The following MAP4 variants were observed in gnomAD, a reference collection of about 807,000 sequenced individuals.
MAP4 encodes the protein microtubule associated protein 4, also known as microtubule-associated protein 4.
In MAP4, 76 loss-of-function variants were observed where a neutral mutation model predicts 170.2. The observed-to-expected ratio is 0.45, with a 90% CI of 0.37 to 0.54. MAP4 has a LOEUF of 0.54. MAP4 is among the 20% of genes least tolerant of loss of function. MAP4 has a pLI of 0.00. For missense variants in MAP4, 2,506 were observed against 2,748.0 expected (o/e 0.91, Z 1.97); for synonymous variants, 909 against 994.5 (o/e 0.91, Z 1.62).
chr3:47,978,743 T>TC (rs763961053), intron 2 of MAP4, among the ~76,000 whole-genome samples: 57 of 150,768 alleles, frequency 3.8e-4, no homozygotes, highest in Middle Eastern at 6.9e-3. Context: ...TTTTTTTTTT[T>TC]CCCTCTTTTT....
chr3:47,859,360 T>C (rs1292162510), intron 17 of MAP4, among the ~76,000 whole-genome samples: 1 of 152,202 alleles, frequency 6.6e-6, no homozygotes, highest in Non-Finnish European at 1.5e-5. Flanking sequence ...CCTTCTTTGG[T>C]GTCAGGAAAT....
At position 47,909,691 on chromosome 3, in the gene MAP4, G is replaced by A; in HGVS notation, c.4730C>T (p.Pro1577Leu). ...GCTCTGGTCTTCTACTGGCACTCCA[G>A]GAAGGAGGTGACCTTTTGCTAGCTC... is the stretch of plus-strand genomic sequence containing the variant. ...VTELAKGHLL[P>L]GVPVEDQSLP... Residue 1577 changes from proline to leucine, a missense_variant, in exon 9 of 21, where the codon CCT becomes CTT. Pro to Leu is a moderately conservative substitution (Grantham distance 98). Around this residue, in one of 3 missense-constraint regions of MAP4, gnomAD observed 2,008 missense variants for 2,206.0 expected, o/e 0.91. Transcript: ENST00000683076. The A allele has an allele frequency of 6.2e-7, 1 of 1,613,966 alleles. No homozygotes were observed. The highest frequency in any genetic ancestry group is 8.5e-7 in the Non-Finnish European group (1 of 1,179,894).
intron 3 of MAP4, among the ~76,000 whole-genome samples, chr3:47,952,644 AT>A (rs2100065141): frequency 6.6e-6 from 1 of 151,722 alleles, no homozygotes; most frequent in African/African-American, 2.4e-5. Flanking sequence ...AATGGAAAAA[AT>A]AAATAAATAA....
At chr3:47,997,313 ATATT>A (rs1198302407) in intron 2 of MAP4, among the ~76,000 whole-genome samples, 1 of 139,454 alleles carries the variant, frequency 7.2e-6, no homozygotes, top group Non-Finnish European at 1.5e-5. Context: ...TAAACACAAC[ATATT>A]TAAACTGCTA....
In MAP4 at chr3:47,872,087, G is replaced by C. The variant is rs770605545; in HGVS notation, c.5771C>G (p.Ala1924Gly). The change falls in exon 13 of 21, where the codon GCA (alanine) becomes GGA (glycine). Residue 1924 changes from alanine (A) to glycine (G), a missense_variant. By Grantham distance (60) the Ala-to-Gly change is moderately conservative. This residue lies in a region of MAP4 where 487 missense variants were observed against 511.6 expected (regional missense o/e 0.95). Transcript: ENST00000683076. ...KDVKPKPIAD[A>G]KAPEKRASPS... ...TGAGGCCCGCTTCTCAGGAGCCTTT[G>C]CATCTGCAATGGGCTGGAAATAGGA... 1.2e-6 allele frequency: 2 copies of C among 1,611,596 alleles called. No individual in the cohort carries two copies. The highest frequency in any genetic ancestry group is 1.3e-5 in the African/African-American group (1 of 75,026).
intron 3 of MAP4, among the ~76,000 whole-genome samples, chr3:47,966,955 C>T (rs779942258): frequency 1.3e-5 from 2 of 152,164 alleles, no homozygotes; most frequent in Admixed American, 6.5e-5. Context: ...TTTGTCTATT[C>T]AGGAGGGCTC....
chr3:47,970,324 A>G lies in MAP4; in HGVS notation c.292+7541T>C, dbSNP rs201551162. 4.0e-5 allele frequency among the ~76,000 whole-genome samples: 6 copies of G among 151,682 alleles called. No homozygotes were observed. In the East Asian group the frequency reaches 1.2e-3, roughly 29 times the overall value. On this transcript the variant is annotated intron_variant, in intron 3 of 20. Transcript: ENST00000683076. Reference sequence around the variant, plus strand: ...AACATGGAGAAACCCCGTCTCTACTAAAAATACAAAATTAGCCAGGTATGG... The same window carrying G: ...AACATGGAGAAACCCCGTCTCTACTGAAAATACAAAATTAGCCAGGTATGG...
chr3:48,006,302 G>A (rs553341117), intron 1 of MAP4, among the ~76,000 whole-genome samples: 1 of 152,288 alleles, frequency 6.6e-6, no homozygotes, highest in Non-Finnish European at 1.5e-5. Context: ...TCCCCAAGGA[G>A]ACCTCCATCC....
chr3:48,066,871 C>T (rs1446186880), intron 1 of MAP4, among the ~76,000 whole-genome samples: 4 of 114,486 alleles, frequency 3.5e-5, no homozygotes, highest in East Asian at 2.8e-4. Flanking sequence ...GACGGAGTCT[C>T]GCTCTGTCGC....
chr3:47,917,249 G>A (rs1035531072), intron 6 of MAP4, 75 bp from the exon 7 acceptor site: 20 of 1,253,298 alleles, frequency 1.6e-5, no homozygotes, highest in Non-Finnish European at 2.1e-5. Flanking sequence ...CTTCAGGCAT[G>A]AGAGTATTTG....
chr3:48,083,613 C>T (rs1254357654), intron 1 of MAP4, among the ~76,000 whole-genome samples: 3 of 151,296 alleles, frequency 2.0e-5, no homozygotes, highest in Non-Finnish European at 4.4e-5. Context: ...GATCTGCCCA[C>T]CTCAGCCTCC....
At chr3:47,999,073 C>T (rs1032204514) in intron 1 of MAP4, among the ~76,000 whole-genome samples, 194 bp from the exon 2 acceptor site, 6 of 152,050 alleles carry the variant, frequency 3.9e-5, no homozygotes, top group African/African-American at 1.2e-4. Flanking sequence ...GGTAACTCAC[C>T]GCTAGTTACT....
chr3:47,902,673 C>CAAAAAAAAAA, intron 10 of MAP4, among the ~76,000 whole-genome samples: 1 of 25,776 alleles, frequency 3.9e-5, no homozygotes, highest in Non-Finnish European at 6.5e-5. Flanking sequence ...GACTCTGTCT[C>CAAAAAAAAAA]AAAAAAAAAA....
intron 17 of MAP4, among the ~76,000 whole-genome samples, chr3:47,861,604 G>T (rs2066098824): frequency 6.6e-6 from 1 of 151,600 alleles, no homozygotes. Context: ...ACCTGCCTCA[G>T]CCTCCCAAAG....
At chr3:47,854,835 C>T (rs954256278) in intron 19 of MAP4, among the ~76,000 whole-genome samples, 1 of 151,886 alleles carries the variant, frequency 6.6e-6, no homozygotes, top group African/African-American at 2.4e-5. Context: ...TGCTGTCCTG[C>T]TCCTAACCCA....
chr3:47,905,324 T>C (rs1014569837), intron 9 of MAP4, among the ~76,000 whole-genome samples: 1 of 152,164 alleles, frequency 6.6e-6, no homozygotes, highest in African/African-American at 2.4e-5. Context: ...GGCAAGGGGT[T>C]GGGCTAGCCC....
At chr3:48,013,793 G>C (rs1215690180) in intron 1 of MAP4, among the ~76,000 whole-genome samples, 1 of 150,252 alleles carries the variant, frequency 6.7e-6, no homozygotes, top group Admixed American at 6.6e-5. Context: ...GAGCCAATCT[G>C]ACTGGAGCTT....
At chr3:48,007,519 G>A (rs533613750) in intron 1 of MAP4, among the ~76,000 whole-genome samples, 23 of 152,284 alleles carry the variant, frequency 1.5e-4, no homozygotes, top group African/African-American at 5.3e-4. Flanking sequence ...TCTGCCACCT[G>A]GGCCATATGA....
chr3:48,068,467 C>T (rs1042567803), intron 1 of MAP4, among the ~76,000 whole-genome samples: 1 of 152,036 alleles, frequency 6.6e-6, no homozygotes, highest in East Asian at 1.9e-4. Flanking sequence ...CTCCAAGGCT[C>T]AAGTGATTCT....
Sources: allele counts gnomAD v4.1 joint callset (sites outside exome capture counted in the v4.1 genomes callset), GRCh38; gene constraint gnomAD v4.1.1; regional missense constraint gnomAD v4.1.1; transcripts MANE v1.5; gene names NCBI Gene and HGNC (gene_info 2026-07-23, HGNC 2026-07-21).